The following FHIT variants were observed in gnomAD, a reference collection of about 807,000 sequenced individuals.
The protein encoded by FHIT is bis(5'-adenosyl)-triphosphatase.
FHIT carries 19 observed loss-of-function variants against 17.9 expected under a neutral mutation model. The observed-to-expected ratio is 1.06, with a 90% confidence interval of 0.74 to 1.56. FHIT has a LOEUF of 1.56. FHIT is among the 40% of genes most tolerant of loss of function. The pLI is 0.00. For missense variants in FHIT, 248 were observed against 189.2 expected, an observed-to-expected ratio of 1.31 and a Z score of -1.82; for synonymous variants, 81 against 69.7, an observed-to-expected ratio of 1.16 and a Z score of -0.81.
intron 8 of FHIT, among the ~76,000 whole-genome samples, chr3:59,901,010 G>A (rs909246794): frequency 2.2e-4 from 34 of 152,206 alleles, no homozygotes; most frequent in Admixed American, 2.2e-3. Flanking sequence ...AGGATGCAGA[G>A]AAGCAAAAGT....
chr3:60,661,724 G>C (rs1420794343), intron 4 of FHIT, among the ~76,000 whole-genome samples: 1 of 151,990 alleles, frequency 6.6e-6, no homozygotes, highest in Admixed American at 6.6e-5. Context: ...ATTATTTTTT[G>C]ATTTTTTGAT....
At chr3:60,890,136 G>A (rs2107170390) in intron 3 of FHIT, among the ~76,000 whole-genome samples, 1 of 148,906 alleles carries the variant, frequency 6.7e-6, no homozygotes, top group East Asian at 2.0e-4. Context: ...GTGCACAGAT[G>A]TCACAGTGTT....
intron 2 of FHIT, among the ~76,000 whole-genome samples, chr3:61,161,960 G>A (rs964706273): frequency 5.1e-4 from 78 of 152,128 alleles, no homozygotes; most frequent in African/African-American, 1.8e-3. Flanking sequence ...AGAAAAAACG[G>A]GATGATTTTT....
intron 4 of FHIT, among the ~76,000 whole-genome samples, chr3:60,557,300 G>C (rs543319613): frequency 6.6e-6 from 1 of 152,194 alleles, no homozygotes; most frequent in South Asian, 2.1e-4. Context: ...TGCTAAGAAA[G>C]ATCTTCTGCC....
At chr3:60,410,037 A>T (rs1366187629) in intron 5 of FHIT, among the ~76,000 whole-genome samples, 2 of 152,232 alleles carry the variant, frequency 1.3e-5, no homozygotes, top group East Asian at 1.9e-4. Context: ...CAAGAAGTAC[A>T]AATCTAAGGA....
At chr3:60,765,136 GA>G (rs1699805422) in intron 4 of FHIT, among the ~76,000 whole-genome samples, 1 of 152,112 alleles carries the variant, frequency 6.6e-6, no homozygotes, top group Admixed American at 6.5e-5. Context: ...ATTGAAACAA[GA>G]AGGCTTCTAA....
chr3:61,051,148 G>A (rs2034010231), intron 2 of FHIT, among the ~76,000 whole-genome samples: 1 of 152,164 alleles, frequency 6.6e-6, no homozygotes, highest in African/African-American at 2.4e-5. Flanking sequence ...TATGAAGAAA[G>A]AGACCTGGAG....
chr3:60,371,824 T>G (rs1046168492), intron 5 of FHIT, among the ~76,000 whole-genome samples: 9 of 139,360 alleles, frequency 6.5e-5, no homozygotes, highest in African/African-American at 2.5e-4. Context: ...TAACCTCATT[T>G]TAGCAGATTT....
At chr3:59,790,489 C>T (rs1487943492) in intron 8 of FHIT, among the ~76,000 whole-genome samples, 1 of 148,552 alleles carries the variant, frequency 6.7e-6, no homozygotes, top group African/African-American at 2.6e-5. Context: ...GTGTTCATTG[C>T]TTCTCTCTCT....
chr3:60,000,509 C>T (rs1244770456), intron 7 of FHIT, among the ~76,000 whole-genome samples: 1 of 152,088 alleles, frequency 6.6e-6, no homozygotes, highest in African/African-American at 2.4e-5. Context: ...GTCTGCCAAC[C>T]CCTGGTGTGT....
At chr3:60,503,981 T>C in intron 5 of FHIT, among the ~76,000 whole-genome samples, 1 of 152,194 alleles carries the variant, frequency 6.6e-6, no homozygotes, top group Non-Finnish European at 1.5e-5. Context: ...AAATAAGCCT[T>C]ATTTTACGTA....
At chr3:61,107,674 C>T (rs1380118150) in intron 2 of FHIT, among the ~76,000 whole-genome samples, 1 of 152,150 alleles carries the variant, frequency 6.6e-6, no homozygotes, top group Non-Finnish European at 1.5e-5. Flanking sequence ...AAACTTCAGC[C>T]AAATTAAATT....
intron 3 of FHIT, among the ~76,000 whole-genome samples, chr3:61,008,251 T>C (rs973775916): frequency 3.3e-5 from 5 of 152,242 alleles, no homozygotes; most frequent in African/African-American, 1.2e-4. Flanking sequence ...CACAGTGTTT[T>C]ATAAGCACAA....
intron 5 of FHIT, among the ~76,000 whole-genome samples, chr3:60,053,231 C>T (rs1701953300): frequency 6.6e-6 from 1 of 151,554 alleles, no homozygotes; most frequent in Non-Finnish European, 1.5e-5. Flanking sequence ...AACCACACCA[C>T]CTAAAGTAGG....
At chr3:59,807,146 G>A (rs1700236020) in intron 8 of FHIT, among the ~76,000 whole-genome samples, 1 of 152,116 alleles carries the variant, frequency 6.6e-6, no homozygotes, top group Non-Finnish European at 1.5e-5. Flanking sequence ...ATATACATAG[G>A]TTAGATAATG....
intron 7 of FHIT, among the ~76,000 whole-genome samples, chr3:60,009,228 T>C (rs192244830): frequency 0.018 from 2,500 of 135,870 alleles, 82 homozygotes; most frequent in African/African-American, 0.072. Context: ...TGTGTGTGTG[T>C]GTATGGTGGT....
intron 4 of FHIT, among the ~76,000 whole-genome samples, chr3:60,697,084 AT>A (rs2041130936): frequency 6.6e-6 from 1 of 152,190 alleles, no homozygotes; most frequent in African/African-American, 2.4e-5. Context: ...TATCCCTAGT[AT>A]TTTCCCCCAA....
At chr3:60,720,505 G>C (rs1395301951) in intron 4 of FHIT, among the ~76,000 whole-genome samples, 1 of 152,140 alleles carries the variant, frequency 6.6e-6, no homozygotes, top group Non-Finnish European at 1.5e-5. Context: ...CAGTACCAAT[G>C]GTAATATATT....
chr3:61,030,526 A>T (rs545347358), intron 3 of FHIT, among the ~76,000 whole-genome samples: 28 of 152,382 alleles, frequency 1.8e-4, no homozygotes, highest in African/African-American at 6.0e-4. Context: ...TGCCATATAC[A>T]TTTTAATCAT....
Sources: gnomAD v4.1 joint callset for allele counts (sites outside exome capture counted in the v4.1 genomes callset) on GRCh38, gnomAD v4.1.1 for gene constraint, MANE v1.5 for transcripts, NCBI Gene and HGNC (gene_info 2026-07-23, HGNC 2026-07-21) for gene names.